The following SPECC1L variants were observed in gnomAD, a reference collection of about 807,000 sequenced individuals.
SPECC1L encodes the protein cytospin-A.
SPECC1L carries 40 observed loss-of-function variants against 116.8 expected under a neutral mutation model. That is an observed-to-expected ratio of 0.34 (90% CI 0.27 to 0.45). SPECC1L has a LOEUF of 0.45. SPECC1L is among the 20% of genes least tolerant of loss of function. The pLI is 1.00. For missense variants in SPECC1L, 1,110 were observed against 1,373.6 expected, an observed-to-expected ratio of 0.81 and a Z score of 3.03; for synonymous variants, 504 against 500.6, an observed-to-expected ratio of 1.01 and a Z score of -0.09.
intron 14 of SPECC1L, among the ~76,000 whole-genome samples, chr22:24,406,503 T>A (rs1350092330): frequency 1.3e-5 from 2 of 152,132 alleles, no homozygotes; most frequent in Non-Finnish European, 2.9e-5. Flanking sequence ...ATCATTCTCC[T>A]CTCCCTGTGC....
chr22:24,344,743 A>G (rs1251146513), intron 10 of SPECC1L, among the ~76,000 whole-genome samples: 1 of 152,250 alleles, frequency 6.6e-6, no homozygotes, highest in Non-Finnish European at 1.5e-5. Flanking sequence ...CAAGGTTTAC[A>G]CGAGGTCCTA....
At position 24,305,254 on chromosome 22, in the gene SPECC1L, G is replaced by A. The variant is rs62233096; in HGVS notation, c.153+2870G>A. ...AGTGAATCATCACAAAATGAAACAT[G>A]TCCTTCAGTCACCACCTAGTTCAAG... On this transcript the variant is annotated intron_variant, in intron 3 of 16. Coordinates refer to ENST00000314328, the MANE Select transcript of SPECC1L (RefSeq NM_015330.6). Among the ~76,000 whole-genome samples, 1,191 of 152,244 alleles carry A rather than the reference G, an allele frequency of 7.8e-3. 9 individuals are homozygous for A. The highest frequency in any genetic ancestry group is 0.024 in the South Asian group (115 of 4,826).
intron 1 of SPECC1L, among the ~76,000 whole-genome samples, chr22:24,273,501 G>A (rs1487957629): frequency 2.0e-5 from 3 of 152,176 alleles, no homozygotes; most frequent in Non-Finnish European, 4.4e-5. Context: ...GTAAATGCAA[G>A]GGTAGTTATT....
intron 14 of SPECC1L, among the ~76,000 whole-genome samples, chr22:24,391,694 C>A (rs2042276973): frequency 6.6e-6 from 1 of 152,178 alleles, no homozygotes; most frequent in Non-Finnish European, 1.5e-5. Context: ...GCAGCAACAG[C>A]AGTAGCTTGG....
At position 24,328,887 on chromosome 22, in the gene SPECC1L, A is replaced by G. The variant is rs2040880960; in HGVS notation, c.2188A>G (p.Arg730Gly). The G allele has an allele frequency of 6.2e-7, 1 of 1,613,694 alleles. No individual in the cohort carries two copies. The highest frequency in any genetic ancestry group is 8.5e-7 in the Non-Finnish European group (1 of 1,179,758). The change falls in exon 7 of 17, where the codon AGA (arginine) becomes GGA (glycine). Residue 730 changes from arginine to glycine, a missense_variant. Arg to Gly is a moderately radical substitution (Grantham distance 125). Transcript: ENST00000314328. ...KLQDQKHDME[R>G]EIKTLHRRLR... Reference sequence around the variant, plus strand: ...CCAGGACCAAAAGCACGACATGGAAAGAGAAATAAAGACACTCCACAGAAG... The same window carrying G: ...CCAGGACCAAAAGCACGACATGGAAGGAGAAATAAAGACACTCCACAGAAG...
intron 3 of SPECC1L, among the ~76,000 whole-genome samples, chr22:24,304,871 A>T (rs1024514990): frequency 6.6e-6 from 1 of 152,200 alleles, no homozygotes; most frequent in African/African-American, 2.4e-5. Context: ...CTTGGGCTTG[A>T]CTTAGAGAAG....
chr22:24,389,333 T>A (rs1275323931), intron 14 of SPECC1L, among the ~76,000 whole-genome samples: 1 of 152,004 alleles, frequency 6.6e-6, no homozygotes, highest in Non-Finnish European at 1.5e-5. Context: ...GCCAGGCTGG[T>A]CTCAAACTTG....
intron 2 of SPECC1L, among the ~76,000 whole-genome samples, chr22:24,293,155 A>G (rs1428136697): frequency 4.6e-5 from 7 of 152,168 alleles, no homozygotes; most frequent in African/African-American, 1.7e-4. Flanking sequence ...GTAAAATTTC[A>G]TAATAAAACA....
chr22:24,374,378 C>T (rs1314624839), intron 14 of SPECC1L, among the ~76,000 whole-genome samples: 3 of 151,746 alleles, frequency 2.0e-5, no homozygotes, highest in Admixed American at 6.6e-5. Flanking sequence ...AAGCCAAATG[C>T]CCAAGAATGA....
At chr22:24,313,867 T>G (rs1301733444) in intron 4 of SPECC1L, among the ~76,000 whole-genome samples, 1 of 148,238 alleles carries the variant, frequency 6.7e-6, no homozygotes, top group African/African-American at 2.5e-5. Context: ...GCCTCCTGAG[T>G]AGCTGGGATT....
chr22:24,376,105 G>C (rs34187545), intron 14 of SPECC1L, among the ~76,000 whole-genome samples: 5,538 of 152,148 alleles, frequency 0.036, 299 homozygotes, highest in South Asian at 0.12. Context: ...GCAAGTTCTA[G>C]CTAAGACAGA....
In SPECC1L at chr22:24,415,572, A is replaced by G. The variant is rs1239355963; in HGVS notation, c.*949A>G. On this transcript the variant is annotated 3_prime_UTR_variant, in exon 17 of 17. Coordinates refer to ENST00000314328, the MANE Select transcript of SPECC1L (RefSeq NM_015330.6). ...AGGAATAAAGCAGGAAATAGGAGAA[A>G]AGTAAACAACTTTAGGGAGCCCAGG... The G allele has an allele frequency of 3.3e-5, 5 of 152,626 alleles. No individual in the cohort carries two copies. The highest frequency in any genetic ancestry group is 7.3e-5 in the Non-Finnish European group (5 of 68,054). The allele number at this position is 152,626 out of a possible 1,614,324, so 9.5% of individuals were successfully genotyped here.
rs1041270322 is a variant in SPECC1L at position 24,338,591 on chromosome 22, G to C, written c.2652+114G>C. On this transcript the variant is annotated intron_variant, in intron 10 of 16. Coordinates refer to ENST00000314328, the MANE Select transcript of SPECC1L (RefSeq NM_015330.6). The stretch of plus-strand genomic sequence containing the variant: ...TTGGGTAAATGACTACCTCAGCAGG[G>C]ATGTATCTAGAATTTGTTTCCTAAA... The C allele has an allele frequency of 2.7e-5, 22 of 819,128 alleles. No homozygotes were observed. In the African/African-American group the frequency reaches 3.5e-4, roughly 13 times the overall value. 50.7% of individuals were successfully genotyped at this position (819,128 alleles called of 1,614,324 possible).
At chr22:24,277,382 T>C (rs1255544990) in intron 2 of SPECC1L, among the ~76,000 whole-genome samples, 3 of 152,338 alleles carry the variant, frequency 2.0e-5, no homozygotes, top group African/African-American at 7.2e-5. Flanking sequence ...TATGGAGATA[T>C]AATTCACATA....
rs189698315 is a variant in SPECC1L, at chr22:24,322,320, A to G, written c.1340A>G (p.Glu447Gly). Residue 447 changes from glutamate to glycine, a missense_variant, in exon 5 of 17, where the codon GAG becomes GGG. By Grantham distance (98) the Glu-to-Gly change is moderately conservative (BLOSUM62 -2). Coordinates refer to ENST00000314328, the MANE Select transcript of SPECC1L (RefSeq NM_015330.6). Reference protein sequence around the residue: ...RLGEEKVILMESLCQQSDKLE... With the variant: ...RLGEEKVILMGSLCQQSDKLE... ...GGAGAAGAGAAGGTTATTCTGATGG[A>G]GTCTTTATGTCAGCAGAGCGATAAG... 20 of 1,614,218 alleles carry G rather than the reference A, an allele frequency of 1.2e-5. No individual in the cohort carries two copies. The Admixed American group carries it at 3.3e-4, about 27-fold the overall frequency.
At chr22:24,350,939 C>G (rs2041408744) in intron 11 of SPECC1L, among the ~76,000 whole-genome samples, 1 of 152,190 alleles carries the variant, frequency 6.6e-6, no homozygotes, top group African/African-American at 2.4e-5. Context: ...TCAGAGGGCA[C>G]TGAGGTGATC....
chr22:24,398,040 C>T (rs1242044880), intron 14 of SPECC1L, among the ~76,000 whole-genome samples: 1 of 152,238 alleles, frequency 6.6e-6, no homozygotes, highest in African/African-American at 2.4e-5. Context: ...GCCATCAGAT[C>T]TTCATCTTTG....
intron 14 of SPECC1L, among the ~76,000 whole-genome samples, chr22:24,397,641 C>T (rs758056601): frequency 5.3e-4 from 80 of 152,268 alleles, no homozygotes; most frequent in South Asian, 1.9e-3. Flanking sequence ...TTAATAAAAT[C>T]CTATAGTCTC....
intron 2 of SPECC1L, among the ~76,000 whole-genome samples, chr22:24,298,915 A>G (rs544168805): frequency 2.0e-5 from 3 of 152,370 alleles, no homozygotes; most frequent in South Asian, 4.1e-4. Flanking sequence ...AGTCAGATTG[A>G]CACATAAATT....
Sources: gnomAD v4.1 joint callset for allele counts (sites outside exome capture counted in the v4.1 genomes callset) on GRCh38, gnomAD v4.1.1 for gene constraint, MANE v1.5 for transcripts, NCBI Gene and HGNC (gene_info 2026-07-23, HGNC 2026-07-21) for gene names.